PRUNE2: variants seen among roughly 807,000 people sequenced by gnomAD.
PRUNE2 encodes prune homolog 2 with BCH domain, also known as protein prune homolog 2.
In PRUNE2, 164 loss-of-function variants were observed where a neutral mutation model predicts 252.0. The observed-to-expected ratio is 0.65, with a 90% CI of 0.57 to 0.74. PRUNE2 has a LOEUF of 0.74. Ranked by LOEUF, PRUNE2 falls within the 30% of genes least tolerant of loss-of-function variation. The pLI, the probability that PRUNE2 is intolerant of heterozygous loss-of-function variation, is 0.00. For synonymous variants in PRUNE2, 1,292 were observed against 1,350.2 expected (o/e 0.96, Z 0.94); for missense variants, 3,495 against 3,711.0 (o/e 0.94, Z 1.51).
chr9:76,822,839 A>C (rs1322358584), intron 6 of PRUNE2, among the ~76,000 whole-genome samples: 1 of 152,118 alleles, frequency 6.6e-6, no homozygotes, highest in South Asian at 2.1e-4. Context: ...ATGGCAACAC[A>C]CAATTCTAAA....
At chr9:76,630,559 C>T (rs2132364299) in intron 15 of PRUNE2, among the ~76,000 whole-genome samples, 1 of 152,346 alleles carries the variant, frequency 6.6e-6, no homozygotes, top group African/African-American at 2.4e-5. Flanking sequence ...GAGTCTCGCT[C>T]TGTCGCCCAG....
intron 1 of PRUNE2, among the ~76,000 whole-genome samples, chr9:76,865,447 T>C (rs2060780526): frequency 6.6e-6 from 1 of 152,194 alleles, no homozygotes; most frequent in East Asian, 1.9e-4. Context: ...CAAAAGACTA[T>C]TACTAATCTC....
chr9:76,689,460 A>G (rs1355324364), intron 9 of PRUNE2, among the ~76,000 whole-genome samples: 2 of 152,050 alleles, frequency 1.3e-5, no homozygotes, highest in African/African-American at 4.8e-5. Flanking sequence ...GGCTCAAGGC[A>G]TCCTCCTGCC....
At chr9:76,616,120 T>G (rs1344389073) in intron 18 of PRUNE2, among the ~76,000 whole-genome samples, 1 of 152,144 alleles carries the variant, frequency 6.6e-6, no homozygotes, top group Non-Finnish European at 1.5e-5. Flanking sequence ...TTACCCTACT[T>G]GCAACAATCT....
rs1247815064 is a variant in PRUNE2 at position 76,619,378 on chromosome 9, G to A, written c.9198C>T (p.Cys3066=). The change falls in exon 18 of 19, where the codon TGC becomes TGT. Residue 3066 remains cysteine, a synonymous_variant. Coordinates refer to ENST00000376718, the MANE Select transcript of PRUNE2 (RefSeq NM_015225.3). The stretch of plus-strand genomic sequence containing the variant: ...AAGACATTTCTGGATCATTGTAAAG[G>A]CAGCTAGTTCTGAGTGCAAGGAAAA... The part of the protein sequence containing the change: ...REASEAAKTS[C]LYNDPEMSSM... 2 of 1,606,240 alleles carry A rather than the reference G, an allele frequency of 1.2e-6. No individual in the cohort carries two copies. The highest frequency in any genetic ancestry group is 2.2e-5 in the South Asian group (2 of 89,854).
intron 5 of PRUNE2, among the ~76,000 whole-genome samples, chr9:76,825,242 T>G (rs745558657): frequency 5.9e-5 from 9 of 152,164 alleles, no homozygotes; most frequent in Non-Finnish European, 1.2e-4. Context: ...ATTTCAGGGA[T>G]CTAAATACTC....
intron 9 of PRUNE2, among the ~76,000 whole-genome samples, chr9:76,689,988 A>G (rs1377397158): frequency 6.6e-6 from 1 of 152,198 alleles, no homozygotes; most frequent in Non-Finnish European, 1.5e-5. Context: ...AGAGTGCTCA[A>G]ATGAAGGGCA....
chr9:76,623,058 G>T (rs1240067453), intron 17 of PRUNE2, among the ~76,000 whole-genome samples: 3 of 152,190 alleles, frequency 2.0e-5, no homozygotes, highest in Non-Finnish European at 4.4e-5. Context: ...ATGTCTATTA[G>T]TTAGATTTTA....
chr9:76,686,373 CA>C (rs1461786012), intron 9 of PRUNE2, among the ~76,000 whole-genome samples: 4 of 152,164 alleles, frequency 2.6e-5, no homozygotes, highest in African/African-American at 9.7e-5. Context: ...ATGGCAAGCA[CA>C]TAAAAAAACT....
chr9:76,700,377 G>A (rs1308496978), intron 9 of PRUNE2: 3 of 152,180 alleles, frequency 2.0e-5, no homozygotes, highest in African/African-American at 7.2e-5. Flanking sequence ...ATCAGATTAT[G>A]TGTCAGAAGA....
intron 2 of PRUNE2, among the ~76,000 whole-genome samples, chr9:76,852,905 A>T (rs2060047002): frequency 6.6e-6 from 1 of 152,098 alleles, no homozygotes; most frequent in Admixed American, 6.5e-5. Flanking sequence ...ATGTCAAGAC[A>T]TTGTTGTAGG....
chr9:76,691,570 G>A (rs182700413), intron 9 of PRUNE2, among the ~76,000 whole-genome samples: 25 of 152,248 alleles, frequency 1.6e-4, no homozygotes, highest in African/African-American at 5.5e-4. Context: ...AAGACTTAAA[G>A]GTTACAAGAT....
At chr9:76,696,679 G>C (rs1374130588) in intron 9 of PRUNE2, among the ~76,000 whole-genome samples, 1 of 152,198 alleles carries the variant, frequency 6.6e-6, no homozygotes, top group African/African-American at 2.4e-5. Context: ...GCCCGCCTTG[G>C]CCTCCCAAAA....
intron 6 of PRUNE2, among the ~76,000 whole-genome samples, chr9:76,767,296 A>G (rs555206112): frequency 2.0e-5 from 3 of 152,240 alleles, no homozygotes; most frequent in East Asian, 3.9e-4. Flanking sequence ...TACTAAAAAT[A>G]CAAAATTATC....
intron 9 of PRUNE2, among the ~76,000 whole-genome samples, chr9:76,700,971 A>C (rs2134700702): frequency 6.6e-6 from 1 of 152,358 alleles, no homozygotes; most frequent in Non-Finnish European, 1.5e-5. Flanking sequence ...GCTTGACTTA[A>C]ATATTACACT....
intron 9 of PRUNE2, among the ~76,000 whole-genome samples, chr9:76,693,225 C>T (rs1048297955): frequency 1.4e-4 from 21 of 151,050 alleles, no homozygotes; most frequent in African/African-American, 5.1e-4. Flanking sequence ...AGACTTCTAG[C>T]AAAATGTCAA....
At chr9:76,899,925 A>G (rs1304499277) in intron 1 of PRUNE2, among the ~76,000 whole-genome samples, 1 of 152,208 alleles carries the variant, frequency 6.6e-6, no homozygotes, top group Non-Finnish European at 1.5e-5. Flanking sequence ...AAGTGTGTCC[A>G]TTCTCCTAAG....
At chr9:76,615,212 CTTCTTAGT>C (rs1828851064) in intron 18 of PRUNE2, 1 of 985,420 alleles carries the variant, frequency 1.0e-6, no homozygotes, top group Non-Finnish European at 1.2e-6. Flanking sequence ...CTCTCTTCTG[CTTCTTAGT>C]GAACACAGCA....
At chr9:76,631,171 C>G (rs1353673726) in intron 15 of PRUNE2, among the ~76,000 whole-genome samples, 2 of 152,168 alleles carry the variant, frequency 1.3e-5, no homozygotes, top group South Asian at 4.1e-4. Flanking sequence ...AGCCTTTTTC[C>G]TCCTGTGGAG....
Sources: allele counts gnomAD v4.1 joint callset (sites outside exome capture counted in the v4.1 genomes callset), GRCh38; gene constraint gnomAD v4.1.1; transcripts MANE v1.5; gene names NCBI Gene and HGNC (gene_info 2026-07-23, HGNC 2026-07-21).